BRWD3: variants seen among roughly 807,000 people sequenced by gnomAD.
BRWD3 encodes the protein bromodomain and WD repeat-containing protein 3.
BRWD3 carries 10 observed loss-of-function variants against 149.7 expected under a neutral mutation model. The ratio of observed to expected loss-of-function variants is 0.07; its 90% CI spans 0.04 to 0.11. BRWD3 has a LOEUF of 0.11. Among genes scored for constraint, BRWD3 ranks in the 10% least tolerant of loss-of-function variants. The probability of loss-of-function intolerance (pLI) is 1.00; values close to 1 mark genes in which losing one functional copy is unlikely to be tolerated. For missense variants in BRWD3, 940 were observed against 1,373.2 expected (o/e 0.68, Z 4.99); for synonymous variants, 504 against 456.7 (o/e 1.10, Z -1.32).
intron 6 of BRWD3, among the ~76,000 whole-genome samples, chrX:80,757,283 A>C (rs773846435): frequency 8.9e-6 from 1 of 111,784 alleles, no homozygotes; most frequent in Non-Finnish European, 1.9e-5. Context: ...ACTTCTAAAA[A>C]CTCATTAAAA....
At chrX:80,686,729 C>T (rs2072531069) in intron 35 of BRWD3, 134 bp downstream of exon 35, 2 of 645,527 alleles carry the variant, frequency 3.1e-6, no homozygotes, top group African/African-American at 4.5e-5. Flanking sequence ...AATCACACTA[C>T]TACTTTCACA....
chrX:80,787,049 GA>G lies in BRWD3; in HGVS notation c.430+4804del, dbSNP rs1211220912. Among the ~76,000 whole-genome samples the G allele has an allele frequency of 1.3e-4, 13 of 100,412 alleles. No homozygotes were observed. In the South Asian group the frequency reaches 1.7e-3, roughly 13 times the overall value. 87.2% of individuals were successfully genotyped at this position (100,412 alleles called of 115,157 possible). A position where few individuals can be genotyped will look rare whatever the true frequency, so the allele number is the denominator to read the frequency against. On this transcript the variant is annotated intron_variant, in intron 6 of 40. Transcript: ENST00000373275. Reference sequence around the variant, plus strand: ...ACAGAAAAACAAAACAAAACAAAAAGAAAAAAAAAACATTTCTATCTACTAG... The same window carrying G: ...ACAGAAAAACAAAACAAAACAAAAAGAAAAAAAAACATTTCTATCTACTAG...
In BRWD3 at chrX:80,674,699, A is replaced by C. The variant is rs2072348585; in HGVS notation, c.*1910T>G. On this transcript the variant is annotated 3_prime_UTR_variant, in exon 41 of 41. Coordinates refer to ENST00000373275, the MANE Select transcript of BRWD3 (RefSeq NM_153252.5). ...TTGGTTTAGTGAAAAAAAGACTACA[A>C]CAAAAAAATAGCTTGGTCTGCTGTC... is the stretch of plus-strand genomic sequence containing the variant. 8.9e-6 allele frequency: 1 copy of C among 111,954 alleles called. No homozygotes were observed. Among genetic ancestry groups the C allele is most frequent in the Middle Eastern group, 4.6e-3 (1 of 218 alleles). The allele number at this position is 111,954 out of a possible 1,213,427, so 9.2% of individuals were successfully genotyped here.
In BRWD3 at chrX:80,809,426, GACACAGCT is replaced by G; in HGVS notation, c.31+7_31+14del. The G allele has an allele frequency of 1.1e-6, 1 of 922,926 alleles. No homozygotes were observed. The highest frequency in any genetic ancestry group is 1.5e-6 in the Non-Finnish European group (1 of 645,871). The allele number at this position is 922,926 out of a possible 1,213,427, so 76.1% of individuals were successfully genotyped here. ...TTCCCTTAGCACCCCCCCACCCCCC[GACACAGCT>G]ACCCACCGGCTTCGATCTGGGTAGG... On this transcript the variant is annotated splice_region_variant and intron_variant, in intron 1 of 40. Coordinates refer to ENST00000373275, the MANE Select transcript of BRWD3 (RefSeq NM_153252.5).
chrX:80,788,227 T>C (rs2074137311), intron 6 of BRWD3, among the ~76,000 whole-genome samples: 1 of 108,582 alleles, frequency 9.2e-6, no homozygotes, highest in East Asian at 2.9e-4. Context: ...AGCCCAGGAG[T>C]TTGAGACCAG....
chrX:80,676,473 A>T lies in BRWD3; in HGVS notation c.*136T>A. 1 of 787,044 alleles carries T rather than the reference A, an allele frequency of 1.3e-6. No individual in the cohort carries two copies. Among genetic ancestry groups the T allele is most frequent in the Non-Finnish European group, 1.8e-6 (1 of 543,877 alleles). The allele number at this position is 787,044 out of a possible 1,213,427, so 64.9% of individuals were successfully genotyped here. A position where few individuals can be genotyped will look rare whatever the true frequency, so the allele number is the denominator to read the frequency against. On this transcript the variant is annotated 3_prime_UTR_variant, in exon 41 of 41. Coordinates refer to ENST00000373275, the MANE Select transcript of BRWD3 (RefSeq NM_153252.5). ...AGATCAAAAGTCTTGAAACAAATGT[A>T]TACTGGCATAAATGGAAAAGCACCA...
chrX:80,778,143 G>A (rs1237858643), intron 6 of BRWD3, among the ~76,000 whole-genome samples: 3 of 111,497 alleles, frequency 2.7e-5, no homozygotes, highest in African/African-American at 9.8e-5. Context: ...AAACTCAAGA[G>A]TTGAAAAGTG....
chrX:80,756,361 G>A (rs190495495), intron 6 of BRWD3, among the ~76,000 whole-genome samples: 69 of 108,618 alleles, frequency 6.4e-4, no homozygotes, highest in Non-Finnish European at 7.4e-4. Flanking sequence ...AATTAGCTGG[G>A]CCTGGTGGTG....
chrX:80,745,758 C>T (rs1569271832), intron 6 of BRWD3, 29 bp from the exon 7 acceptor site: 3 of 1,150,104 alleles, frequency 2.6e-6, no homozygotes, highest in Admixed American at 2.3e-5. Flanking sequence ...TAACTTAAAA[C>T]TTAAAAGTGA....
chrX:80,715,576 T>G (rs1259175394), intron 20 of BRWD3, among the ~76,000 whole-genome samples: 1 of 112,234 alleles, frequency 8.9e-6, no homozygotes, highest in African/African-American at 3.2e-5. Context: ...CCTAAATGAT[T>G]TGGTAAGCCA....
At chrX:80,761,172 G>A (rs1248720149) in intron 6 of BRWD3, among the ~76,000 whole-genome samples, 1 of 111,992 alleles carries the variant, frequency 8.9e-6, no homozygotes, top group African/African-American at 3.2e-5. Context: ...TTATTACAGA[G>A]TGGTTATACT....
At chrX:80,750,351 G>T (rs1471052550) in intron 6 of BRWD3, among the ~76,000 whole-genome samples, 1 of 109,553 alleles carries the variant, frequency 9.1e-6, no homozygotes, top group Non-Finnish European at 1.9e-5. Context: ...CTGATAAGGG[G>T]TTAATATCTA....
chrX:80,744,274 T>C (rs966461288), intron 7 of BRWD3, 21 bp from the exon 8 acceptor site: 3 of 1,108,784 alleles, frequency 2.7e-6, no homozygotes, highest in Non-Finnish European at 1.2e-6. Flanking sequence ...AAAAGGACAA[T>C]AGGTTTATAA....
At chrX:80,714,737 T>G (rs2073051050) in intron 20 of BRWD3, among the ~76,000 whole-genome samples, 1 of 112,141 alleles carries the variant, frequency 8.9e-6, no homozygotes, top group African/African-American at 3.2e-5. Flanking sequence ...AATTTGATTC[T>G]TCGTCAAAGG....
chrX:80,809,671 G>T lies in BRWD3; in HGVS notation c.-200C>A. On this transcript the variant is annotated 5_prime_UTR_variant, in exon 1 of 41. Coordinates refer to ENST00000373275, the MANE Select transcript of BRWD3 (RefSeq NM_153252.5). ...ATATTCTAGCCCAAGAGCTGAGGAG[G>T]CGGAGGAGGAAGGAGAGGAGAGGGA... 1 of 427,163 alleles carries T rather than the reference G, an allele frequency of 2.3e-6. No homozygotes were observed. The allele number at this position is 427,163 out of a possible 1,213,427, so 35.2% of individuals were successfully genotyped here. A position where few individuals can be genotyped will look rare whatever the true frequency, so the allele number is the denominator to read the frequency against.
chrX:80,710,847 C>T (rs2072953450), intron 20 of BRWD3: 1 of 298,001 alleles, frequency 3.4e-6, no homozygotes, highest in African/African-American at 2.7e-5. Flanking sequence ...TTCTAAGCAA[C>T]CTCACTAAAA....
intron 20 of BRWD3, among the ~76,000 whole-genome samples, chrX:80,715,329 C>A (rs2073059930): frequency 9.0e-6 from 1 of 111,223 alleles, no homozygotes; most frequent in African/African-American, 3.3e-5. Flanking sequence ...TTGCAGATAT[C>A]CATTTGATAT....
At chrX:80,761,101 C>T (rs1384816032) in intron 6 of BRWD3, among the ~76,000 whole-genome samples, 2 of 110,264 alleles carry the variant, frequency 1.8e-5, no homozygotes, top group African/African-American at 6.6e-5. Flanking sequence ...TGGTGATAAA[C>T]CAAAGAAAAA....
At chrX:80,773,438 A>T (rs1034355875) in intron 6 of BRWD3, among the ~76,000 whole-genome samples, 1 of 111,556 alleles carries the variant, frequency 9.0e-6, no homozygotes, top group African/African-American at 3.3e-5. Context: ...ATCTTTCTCA[A>T]TCACGTCAGC....
Sources: gnomAD v4.1 joint callset for allele counts (sites outside exome capture counted in the v4.1 genomes callset) on GRCh38, gnomAD v4.1.1 for gene constraint, MANE v1.5 for transcripts, NCBI Gene and HGNC (gene_info 2026-07-23, HGNC 2026-07-21) for gene names.